The following MANBA variants were observed in gnomAD, a reference collection of about 807,000 sequenced individuals.
The protein encoded by MANBA is beta-mannosidase.
MANBA carries 83 observed loss-of-function variants against 111.1 expected under a neutral mutation model. The observed-to-expected ratio is 0.75, with a 90% CI of 0.63 to 0.90. The LOEUF is 0.90. Among genes scored for constraint, MANBA ranks in the 40% least tolerant of loss-of-function variants. The probability of loss-of-function intolerance (pLI) is 0.00; values close to 1 mark genes in which losing one functional copy is unlikely to be tolerated. For synonymous variants in MANBA, 370 were observed against 378.7 expected (o/e 0.98, Z 0.27); for missense variants, 1,036 against 1,069.0 (o/e 0.97, Z 0.43).
chr4:102,640,284 C>A (rs764212840), intron 13 of MANBA, among the ~76,000 whole-genome samples: 1 of 152,080 alleles, frequency 6.6e-6, no homozygotes, highest in Non-Finnish European at 1.5e-5. Flanking sequence ...AGAAAAAATT[C>A]TATAAGAAAA....
At chr4:102,674,596 C>T (rs964421637) in intron 7 of MANBA, among the ~76,000 whole-genome samples, 5 of 152,120 alleles carry the variant, frequency 3.3e-5, no homozygotes, top group Non-Finnish European at 5.9e-5. Flanking sequence ...TGTTTGAGCA[C>T]GCTCTGGTTT....
intron 1 of MANBA, among the ~76,000 whole-genome samples, chr4:102,757,215 G>A (rs922680534): frequency 6.6e-6 from 1 of 152,148 alleles, no homozygotes; most frequent in Non-Finnish European, 1.5e-5. Context: ...TGTAATCCCA[G>A]CTACCTGGGA....
chr4:102,733,388 C>G (rs1723099444), intron 1 of MANBA, among the ~76,000 whole-genome samples: 1 of 148,250 alleles, frequency 6.7e-6, no homozygotes, highest in South Asian at 2.1e-4. Context: ...TTGCTCTGCT[C>G]TGTCACCCAG....
chr4:102,693,003 C>A (rs182643461), intron 5 of MANBA, among the ~76,000 whole-genome samples: 1 of 152,254 alleles, frequency 6.6e-6, no homozygotes, highest in Admixed American at 6.5e-5. Context: ...TCCCATCAGC[C>A]AAAAGCATAG....
chr4:102,752,212 T>C (rs1578961638), intron 1 of MANBA: 2 of 869,682 alleles, frequency 2.3e-6, no homozygotes, highest in East Asian at 2.4e-5. Flanking sequence ...CTTGGGACCA[T>C]ACAATTAGAG....
intron 13 of MANBA, among the ~76,000 whole-genome samples, chr4:102,644,183 A>G (rs1441550990): frequency 2.0e-5 from 3 of 152,256 alleles, no homozygotes; most frequent in Non-Finnish European, 4.4e-5. Flanking sequence ...TCTTTTTACC[A>G]TTTGGAATGT....
In MANBA at chr4:102,674,025, A is replaced by G. The variant is rs759956339; in HGVS notation, c.1006T>C (p.Ser336Pro). The G allele has an allele frequency of 6.2e-7, 1 of 1,604,656 alleles. No homozygotes were observed. The highest frequency in any genetic ancestry group is 8.5e-7 in the Non-Finnish European group (1 of 1,171,358). Residue 336 changes from serine to proline, a missense_variant, in exon 8 of 17, where the codon TCT becomes CCT. By Grantham distance (74) the Ser-to-Pro change is moderately conservative (BLOSUM62 -1). Transcript: ENST00000647097. ...VELIEEPIKG[S>P]PGLSFYFKIN... ...TTGAAATAGAAACTCAAACCAGGAGACCCTTTTATAGGCTCTTCTATAAGT... is the reference window on the plus strand; with the variant it reads ...TTGAAATAGAAACTCAAACCAGGAGGCCCTTTTATAGGCTCTTCTATAAGT...
At chr4:102,718,715 A>G (rs113314229) in intron 4 of MANBA, among the ~76,000 whole-genome samples, 2,959 of 152,334 alleles carry the variant, frequency 0.019, 99 homozygotes, top group African/African-American at 0.065. Context: ...ATATTTCAAC[A>G]TAGGTTCTTT....
chr4:102,718,174 G>A (rs1413225714), intron 4 of MANBA, among the ~76,000 whole-genome samples: 2 of 152,246 alleles, frequency 1.3e-5, no homozygotes, highest in Non-Finnish European at 2.9e-5. Flanking sequence ...TTTCTGGCTT[G>A]AGCACCTGTT....
chr4:102,711,546 A>ATAT (rs1722065668), intron 5 of MANBA, among the ~76,000 whole-genome samples: 1 of 152,172 alleles, frequency 6.6e-6, no homozygotes. Flanking sequence ...TGGAAATACT[A>ATAT]TATTTCTCAA....
rs1039225046 is a variant in MANBA, at chr4:102,696,270, T to G, written c.674-5499A>C. ...CACTGAAATCTACAAACATAGAGAA[T>G]ATGTCTGACCCTCTGCTAAACGTGT... On this transcript the variant is annotated intron_variant, in intron 5 of 16. Coordinates refer to ENST00000647097, the MANE Select transcript of MANBA (RefSeq NM_005908.4). Among the ~76,000 whole-genome samples, 4 of 152,200 alleles carry G rather than the reference T, an allele frequency of 2.6e-5. No homozygotes were observed. The South Asian group carries it at 8.3e-4, about 32-fold the overall frequency.
At chr4:102,749,104 G>GA (rs1045132490) in intron 1 of MANBA, among the ~76,000 whole-genome samples, 61 of 148,780 alleles carry the variant, frequency 4.1e-4, no homozygotes, top group Middle Eastern at 3.5e-3. Flanking sequence ...ACAGACGTGA[G>GA]AAAAAAAAAC....
chr4:102,722,702 T>C (rs1722632184), intron 4 of MANBA, 169 bp downstream of exon 4: 4 of 689,790 alleles, frequency 5.8e-6, no homozygotes, highest in South Asian at 3.4e-5. Flanking sequence ...TTCTCCACAA[T>C]ATTTCAAATA....
intron 13 of MANBA, among the ~76,000 whole-genome samples, chr4:102,647,674 T>C (rs1022489823): frequency 6.6e-6 from 1 of 152,136 alleles, no homozygotes; most frequent in African/African-American, 2.4e-5. Context: ...AAGGGACAGA[T>C]ACCAACATTG....
At chr4:102,639,618 G>C in intron 14 of MANBA, 95 bp downstream of exon 14, 1 of 1,513,718 alleles carries the variant, frequency 6.6e-7, no homozygotes, top group Non-Finnish European at 9.1e-7. Flanking sequence ...AGTTCTGCCT[G>C]GGCTAATCTG....
chr4:102,676,278 GAAGAA>G (rs1421200600), intron 7 of MANBA, among the ~76,000 whole-genome samples: 1 of 152,090 alleles, frequency 6.6e-6, no homozygotes, highest in Non-Finnish European at 1.5e-5. Flanking sequence ...TTCACAGTAT[GAAGAA>G]AAGAGAATTG....
chr4:102,730,679 C>T, intron 1 of MANBA: 1 of 537,644 alleles, frequency 1.9e-6, no homozygotes, highest in Non-Finnish European at 3.8e-6. Context: ...TTCTTCCGGG[C>T]TTGTAATACC....
At position 102,630,827 on chromosome 4, in the gene MANBA, C is replaced by T. The variant is rs1729348082; in HGVS notation, c.*1230G>A. The T allele has an allele frequency of 6.6e-6, 1 of 152,140 alleles. No homozygotes were observed. The highest frequency in any genetic ancestry group is 1.5e-5 in the Non-Finnish European group (1 of 68,038). 9.4% of individuals were successfully genotyped at this position (152,140 alleles called of 1,614,324 possible). A position where few individuals can be genotyped will look rare whatever the true frequency, so the allele number is the denominator to read the frequency against. On this transcript the variant is annotated 3_prime_UTR_variant, in exon 17 of 17. Transcript: ENST00000647097. ...GTGGGTGTTACCACTCCCATTTAGC[C>T]ACAAGAAAACTGAGCACAGGAAGTT...
chr4:102,654,366 C>G (rs1730467207), intron 12 of MANBA, among the ~76,000 whole-genome samples: 1 of 152,058 alleles, frequency 6.6e-6, no homozygotes, highest in African/African-American at 2.4e-5. Flanking sequence ...TCACGTAGTA[C>G]ACGATAAGTA....
Sources: allele counts gnomAD v4.1 joint callset (sites outside exome capture counted in the v4.1 genomes callset), GRCh38; gene constraint gnomAD v4.1.1; transcripts MANE v1.5; gene names NCBI Gene and HGNC (gene_info 2026-07-23, HGNC 2026-07-21).